The following TRPM4 variants were observed in gnomAD, a reference collection of about 807,000 sequenced individuals.
TRPM4 encodes the protein transient receptor potential cation channel subfamily M member 4.
A neutral mutation model predicts 135.6 loss-of-function variants in TRPM4; 124 were observed. That is an observed-to-expected ratio of 0.91 (90% CI 0.79 to 1.06). The LOEUF is 1.06. TRPM4 is among the 50% of genes least tolerant of loss of function. The pLI, the probability that TRPM4 is intolerant of heterozygous loss-of-function variation, is 0.00. For synonymous variants in TRPM4, 745 were observed against 705.6 expected, an observed-to-expected ratio of 1.06 and a Z score of -0.88; for missense variants, 1,658 against 1,671.4, an observed-to-expected ratio of 0.99 and a Z score of 0.14.
chr19:49,190,000 T>G (rs1968349916), intron 14 of TRPM4, among the ~76,000 whole-genome samples: 2 of 152,200 alleles, frequency 1.3e-5, no homozygotes. Flanking sequence ...ATCTGCCATA[T>G]GGTGTCAATT....
rs1396631573 is a variant in TRPM4, at chr19:49,210,371, C to T, written c.3294C>T (p.Ser1098=). 4 of 1,614,020 alleles carry T rather than the reference C, an allele frequency of 2.5e-6. No individual in the cohort carries two copies. The highest frequency in any genetic ancestry group is 1.3e-5 in the African/African-American group (1 of 75,068). ...LLRQLCRRPR[S]PQPSSPALEH... ...GGCAATTGTGCAGGCGACCCCGGAGCCCCCAGCCGTCCTCCCCGGCCCTCG... is the reference window on the plus strand; with the variant it reads ...GGCAATTGTGCAGGCGACCCCGGAGTCCCCAGCCGTCCTCCCCGGCCCTCG... The change falls in exon 21 of 25, where the codon AGC becomes AGT. Residue 1098 remains serine, a synonymous_variant. Transcript: ENST00000252826. The surrounding 1 kb of genome is among the most constrained non-coding windows in gnomAD (Gnocchi z 4.1).
chr19:49,207,916 A>G (rs538376699), intron 20 of TRPM4, among the ~76,000 whole-genome samples: 196 of 152,042 alleles, frequency 1.3e-3, no homozygotes, highest in African/African-American at 4.6e-3. Flanking sequence ...AGTGGCCCCT[A>G]ATGCCTGGCT....
rs1236016169 is a variant in TRPM4, at chr19:49,171,468, C to G, written c.858+50C>G. On this transcript the variant is annotated intron_variant, in intron 7 of 24. Transcript: ENST00000252826. This position sits in a 1 kb window ranked among gnomAD's most constrained non-coding sequence, Gnocchi z 4.7. The stretch of plus-strand genomic sequence containing the variant: ...CTAAGGGGGAAGGAGGGTTGGGGGC[C>G]AGGACTCCTGGGTCCTGAGTCTTAG... The G allele has an allele frequency of 6.2e-7, 1 of 1,612,836 alleles. No homozygotes were observed. The highest frequency in any genetic ancestry group is 1.1e-5 in the South Asian group (1 of 91,022).
chr19:49,167,157 CATCTCTCTGG>C (rs1967230492), intron 3 of TRPM4, among the ~76,000 whole-genome samples: 2 of 100,276 alleles, frequency 2.0e-5, no homozygotes, highest in African/African-American at 7.2e-5. Context: ...TCTCTGTCGC[CATCTCTCTGG>C]GTCTCTGTCC....
At chr19:49,208,614 T>A (rs1312507605) in intron 20 of TRPM4, among the ~76,000 whole-genome samples, 1 of 152,066 alleles carries the variant, frequency 6.6e-6, no homozygotes, top group Non-Finnish European at 1.5e-5. Flanking sequence ...AATATTGAAA[T>A]AAAGAGTAAT....
intron 12 of TRPM4, 36 bp downstream of exon 12, chr19:49,183,248 T>C (rs1403422791): frequency 2.5e-6 from 4 of 1,613,240 alleles, no homozygotes; most frequent in African/African-American, 1.3e-5. Flanking sequence ...ATCCCTGTCC[T>C]TTAGGCCACT....
At chr19:49,194,760 A>C (rs1716268) in intron 16 of TRPM4, among the ~76,000 whole-genome samples, 13,385 of 46,026 alleles carry the variant, frequency 0.29, 1,047 homozygotes, top group African/African-American at 0.43. Context: ...CCCTCCCCCC[A>C]ACCCTTCCTT....
rs746448119 is a variant in TRPM4, at chr19:49,171,383, C to T, written c.823C>T (p.Leu275Phe). ...GGTGIDIPVL[L>F]LLIDGDEKML... ...GACTGGAATTGACATCCCTGTCCTG[C>T]TCCTCCTGATTGATGGTGATGAGAA... The change falls in exon 7 of 25, where the codon CTC becomes TTC. Residue 275 changes from leucine (L) to phenylalanine (F), a missense_variant. By Grantham distance (22) the Leu-to-Phe change is conservative. Coordinates refer to ENST00000252826, the MANE Select transcript of TRPM4 (RefSeq NM_017636.4). The surrounding 1 kb of genome is among the most constrained non-coding windows in gnomAD (Gnocchi z 4.7). The T allele has an allele frequency of 7.4e-6, 12 of 1,613,948 alleles. No individual in the cohort carries two copies. Among genetic ancestry groups the T allele is most frequent in the African/African-American group, 1.3e-5 (1 of 74,874 alleles).
At chr19:49,164,682 T>TCTTGCTTGCTTGCTTGCTTGCTTGCTTG (rs113888558) in intron 2 of TRPM4, among the ~76,000 whole-genome samples, 1 of 144,534 alleles carries the variant, frequency 6.9e-6, no homozygotes, top group South Asian at 2.2e-4. Context: ...GCGCCCGGCC[T>TCTTGCTTGCTTGCTTGCTTGCTTGCTTG]CTTGCTTGCT....
In TRPM4 at chr19:49,171,475, C is replaced by G. The variant is rs1218846120; in HGVS notation, c.858+57C>G. On this transcript the variant is annotated intron_variant, in intron 7 of 24. Transcript: ENST00000252826. The surrounding 1 kb of genome is among the most constrained non-coding windows in gnomAD (Gnocchi z 4.7). Reference sequence around the variant, plus strand: ...GGAAGGAGGGTTGGGGGCCAGGACTCCTGGGTCCTGAGTCTTAGGGAGGGT... The same window carrying G: ...GGAAGGAGGGTTGGGGGCCAGGACTGCTGGGTCCTGAGTCTTAGGGAGGGT... The G allele has an allele frequency of 3.1e-6, 5 of 1,612,244 alleles. No homozygotes were observed. The highest frequency in any genetic ancestry group is 3.3e-5 in the Admixed American group (2 of 59,936).
rs2122983349 is a variant in TRPM4 at position 49,188,776 on chromosome 19, T to G, written c.1873+6T>G. 6.2e-7 allele frequency: 1 copy of G among 1,613,896 alleles called. No homozygotes were observed. On this transcript the variant is annotated splice_donor_region_variant and intron_variant, in intron 13 of 24. Transcript: ENST00000252826. ...GTTTGAGGGGATGGGCGTTGGTGCGTGGGGCACGGTGCCTGGGAGCAGGGA... is the reference window on the plus strand; with the variant it reads ...GTTTGAGGGGATGGGCGTTGGTGCGGGGGGCACGGTGCCTGGGAGCAGGGA...
Position 49,188,535 on chromosome 19 carries a change from C to T in TRPM4, c.1744-106C>T, listed in dbSNP as rs1187893278. Reference sequence around the variant, plus strand: ...TTACTTCATCCTTGGCCTCTGATGACCCCAGTTAGTTTCTGACCTCTGACT... The same window carrying T: ...TTACTTCATCCTTGGCCTCTGATGATCCCAGTTAGTTTCTGACCTCTGACT... On this transcript the variant is annotated intron_variant, in intron 12 of 24. Transcript: ENST00000252826. 7 of 1,504,852 alleles carry T rather than the reference C, an allele frequency of 4.7e-6. No individual in the cohort carries two copies. In the Admixed American group the frequency reaches 8.4e-5, roughly 18 times the overall value. The allele number at this position is 1,504,852 out of a possible 1,614,324, so 93.2% of individuals were successfully genotyped here. A position where few individuals can be genotyped will look rare whatever the true frequency, so the allele number is the denominator to read the frequency against.
In TRPM4 at chr19:49,171,056, C is replaced by G. The variant is rs925231039; in HGVS notation, c.797-301C>G. 6.6e-6 allele frequency among the ~76,000 whole-genome samples: 1 copy of G among 151,534 alleles called. No homozygotes were observed. The highest frequency in any genetic ancestry group is 2.4e-5 in the African/African-American group (1 of 41,200). On this transcript the variant is annotated intron_variant, in intron 6 of 24. Coordinates refer to ENST00000252826, the MANE Select transcript of TRPM4 (RefSeq NM_017636.4). The surrounding 1 kb of genome is among the most constrained non-coding windows in gnomAD (Gnocchi z 4.7). ...TCTATCCTGGGCGATAGAGTGACAC[C>G]CTGTTTCAGAAATTAGGCTGATGCG...
Position 49,211,598 on chromosome 19 carries a change from T to G in TRPM4, c.*100T>G, listed in dbSNP as rs1969374092. 1 of 1,493,324 alleles carries G rather than the reference T, an allele frequency of 6.7e-7. No individual in the cohort carries two copies. The highest frequency in any genetic ancestry group is 2.3e-5 in the East Asian group (1 of 44,302). The allele number at this position is 1,493,324 out of a possible 1,614,324, so 92.5% of individuals were successfully genotyped here. A position where few individuals can be genotyped will look rare whatever the true frequency, so the allele number is the denominator to read the frequency against. On this transcript the variant is annotated 3_prime_UTR_variant, in exon 25 of 25. Transcript: ENST00000252826. The surrounding 1 kb of genome is among the most constrained non-coding windows in gnomAD (Gnocchi z 4.8). ...GCCCCCGCACCTGGTGGCCTTGTCC[T>G]TGAGGTGAGCCCCATGTCCATCTGG... is the stretch of plus-strand genomic sequence containing the variant.
In TRPM4 at chr19:49,160,878, A is replaced by G. The variant is rs114523357; in HGVS notation, c.92+2619A>G. 7.3e-3 allele frequency among the ~76,000 whole-genome samples: 1,113 copies of G among 151,780 alleles called. 14 individuals carry two copies. Among genetic ancestry groups the G allele is most frequent in the African/African-American group, 0.025 (1,053 of 41,338 alleles). On this transcript the variant is annotated intron_variant, in intron 2 of 24. Transcript: ENST00000252826. Reference sequence around the variant, plus strand: ...AGAGGAGGGCATGGGGCAAAGACTCAGGGGGCAGGAAGGCAGAGCTTGGGG... The same window carrying G: ...AGAGGAGGGCATGGGGCAAAGACTCGGGGGGCAGGAAGGCAGAGCTTGGGG...
chr19:49,190,311 T>C lies in TRPM4; in HGVS notation c.2123T>C (p.Ile708Thr), dbSNP rs1437948635. 1.9e-6 allele frequency: 3 copies of C among 1,614,012 alleles called. No homozygotes were observed. Among genetic ancestry groups the C allele is most frequent in the Admixed American group, 1.7e-5 (1 of 60,010 alleles). Residue 708 changes from isoleucine to threonine, a missense_variant, in exon 15 of 25, where the codon ATC becomes ACC. Physicochemically the swap from Ile to Thr is moderately conservative, Grantham distance 89 (BLOSUM62 -1). Around this residue, in one of 3 missense-constraint regions of TRPM4, gnomAD observed 1,412 missense variants for 1,408.7 expected, o/e 1.00. Coordinates refer to ENST00000252826, the MANE Select transcript of TRPM4 (RefSeq NM_017636.4). ...CCTCCACTCATCTACACCCGCCTCATCACCTTCAGGTCAGTACCCTGGGGT... is the reference window on the plus strand; with the variant it reads ...CCTCCACTCATCTACACCCGCCTCACCACCTTCAGGTCAGTACCCTGGGGT... ...FCPPLIYTRL[I>T]TFRKSEEEPT... is the part of the protein sequence containing the mutation.
At chr19:49,183,294 TC>T in intron 12 of TRPM4, 82 bp downstream of exon 12, 2 of 1,587,392 alleles carry the variant, frequency 1.3e-6, no homozygotes, top group Non-Finnish European at 8.6e-7. Context: ...ACCATACAAT[TC>T]CCCGACCCCT....
chr19:49,200,768 C>T lies in TRPM4; in HGVS notation c.2936C>T (p.Pro979Leu). 1 of 1,614,004 alleles carries T rather than the reference C, an allele frequency of 6.2e-7. No homozygotes were observed. Among genetic ancestry groups the T allele is most frequent in the Non-Finnish European group, 8.5e-7 (1 of 1,180,022 alleles). The change falls in exon 19 of 25, where the codon CCC (proline) becomes CTC (leucine). Residue 979 changes from proline to leucine, a missense_variant. Around this residue, in one of 3 missense-constraint regions of TRPM4, gnomAD observed 1,412 missense variants for 1,408.7 expected, o/e 1.00. Coordinates refer to ENST00000252826, the MANE Select transcript of TRPM4 (RefSeq NM_017636.4). ...TACCTGCAGATCTTCGGGCAGATTCCCCAGGAGGACATGGACGGTAGGGGG... is the reference window on the plus strand; with the variant it reads ...TACCTGCAGATCTTCGGGCAGATTCTCCAGGAGGACATGGACGGTAGGGGG... ...RPYLQIFGQI[P>L]QEDMDVALME...
At chr19:49,162,750 C>G (rs1435067021) in intron 2 of TRPM4, among the ~76,000 whole-genome samples, 1 of 151,932 alleles carries the variant, frequency 6.6e-6, no homozygotes, top group Non-Finnish European at 1.5e-5. Context: ...GGAATATGGC[C>G]ATTGTACCTG....
Sources: allele counts gnomAD v4.1 joint callset (sites outside exome capture counted in the v4.1 genomes callset), GRCh38; gene constraint gnomAD v4.1.1; regional missense constraint gnomAD v4.1.1; non-coding constraint Gnocchi (gnomAD v3.1); transcripts MANE v1.5; gene names NCBI Gene and HGNC (gene_info 2026-07-23, HGNC 2026-07-21).